Variants in IL1RL2 observed in about 807,000 individuals in gnomAD.
IL1RL2 encodes the protein interleukin 1 receptor like 2.
A neutral mutation model predicts 66.8 loss-of-function variants in IL1RL2; 68 were observed. The ratio of observed to expected loss-of-function variants is 1.02; its 90% CI spans 0.84 to 1.25. The LOEUF (loss-of-function observed/expected upper bound fraction) is 1.25. IL1RL2 is among the 50% of genes most tolerant of loss of function. The pLI is 0.00. For synonymous variants in IL1RL2, 305 were observed against 264.6 expected, an observed-to-expected ratio of 1.15 and a Z score of -1.48; for missense variants, 729 against 709.3, an observed-to-expected ratio of 1.03 and a Z score of -0.32.
At chr2:102,195,943 A>G (rs1687747554) in intron 4 of IL1RL2, among the ~76,000 whole-genome samples, 1 of 151,832 alleles carries the variant, frequency 6.6e-6, no homozygotes. Context: ...CAAACTACTG[A>G]CCTCAGATGA....
chr2:102,205,000 TA>T (rs1361666765), intron 5 of IL1RL2, among the ~76,000 whole-genome samples: 1 of 152,092 alleles, frequency 6.6e-6, no homozygotes, highest in African/African-American at 2.4e-5. Flanking sequence ...TCTTGCTTTT[TA>T]TTTTTTTGTG....
At position 102,220,033 on chromosome 2, in the gene IL1RL2, G is replaced by A. The variant is rs762643149; in HGVS notation, c.991+16G>A. On this transcript the variant is annotated intron_variant, in intron 8 of 11. Coordinates refer to ENST00000264257, the MANE Select transcript of IL1RL2 (RefSeq NM_003854.4). ...CAGCTCCCAGGTAATACTCCAGTGG[G>A]TTACACACTGTTCAGAGTGTTCAAA... is the stretch of plus-strand genomic sequence containing the variant. 1.9e-6 allele frequency: 3 copies of A among 1,601,778 alleles called. No homozygotes were observed. The highest frequency in any genetic ancestry group is 2.6e-6 in the Non-Finnish European group (3 of 1,170,342).
At chr2:102,218,150 T>C (rs1055908343) in intron 6 of IL1RL2, among the ~76,000 whole-genome samples, 6 of 152,152 alleles carry the variant, frequency 3.9e-5, no homozygotes, top group African/African-American at 1.4e-4. Context: ...ACAGAAGACA[T>C]TGCTTCTGGG....
At chr2:102,214,978 G>C (rs1477785458) in intron 6 of IL1RL2, among the ~76,000 whole-genome samples, 15 of 145,394 alleles carry the variant, frequency 1.0e-4, no homozygotes. Context: ...TGGCAGCATA[G>C]AGAGGGGAGG....
chr2:102,202,665 G>A (rs1196963961), intron 5 of IL1RL2, among the ~76,000 whole-genome samples: 1 of 152,058 alleles, frequency 6.6e-6, no homozygotes, highest in Non-Finnish European at 1.5e-5. Context: ...GGGATTACTT[G>A]TAAAATATCT....
chr2:102,228,657 A>G (rs1690848999), intron 9 of IL1RL2, among the ~76,000 whole-genome samples: 1 of 145,798 alleles, frequency 6.9e-6, no homozygotes, highest in South Asian at 2.1e-4. Flanking sequence ...TAAAACGAAG[A>G]CAAGCCAAAC....
rs2302620 is a variant in IL1RL2, at chr2:102,226,007, T to C, written c.1101T>C (p.Tyr367=). Residue 367 remains tyrosine, a synonymous_variant, in exon 9 of 12, where the codon TAT becomes TAC. Coordinates refer to ENST00000264257, the MANE Select transcript of IL1RL2 (RefSeq NM_003854.4). Reference sequence around the variant, plus strand: ...TTAAGATCGACATTGTTCTTTGGTATCGAAGTGCCTTCCATTCTACAGAGA... The same window carrying C: ...TTAAGATCGACATTGTTCTTTGGTACCGAAGTGCCTTCCATTCTACAGAGA... The part of the protein sequence containing the change: ...NIFKIDIVLW[Y]RSAFHSTETI... 0.13 allele frequency: 212,459 copies of C among 1,603,250 alleles called. 18,163 individuals carry two copies. Among genetic ancestry groups the C allele is most frequent in the Admixed American group, 0.41 (24,149 of 58,594 alleles).
chr2:102,205,625 T>C (rs1397157228), intron 5 of IL1RL2, among the ~76,000 whole-genome samples: 1 of 152,210 alleles, frequency 6.6e-6, no homozygotes, highest in Non-Finnish European at 1.5e-5. Context: ...CCATTGTATG[T>C]TATTTGTTCC....
At chr2:102,204,361 T>C (rs958537585) in intron 5 of IL1RL2, among the ~76,000 whole-genome samples, 3 of 152,110 alleles carry the variant, frequency 2.0e-5, no homozygotes, top group Non-Finnish European at 4.4e-5. Context: ...TCTACAGCCA[T>C]TGGATGAAAC....
In IL1RL2 at chr2:102,226,008, C is replaced by A; in HGVS notation, c.1102C>A (p.Arg368=). The A allele has an allele frequency of 6.2e-7, 1 of 1,603,354 alleles. No homozygotes were observed. The highest frequency in any genetic ancestry group is 1.3e-5 in the African/African-American group (1 of 74,402). ...IFKIDIVLWY[R]SAFHSTETIV... is the part of the protein sequence containing the mutation. ...TAAGATCGACATTGTTCTTTGGTAT[C>A]GAAGTGCCTTCCATTCTACAGAGAC... Residue 368 remains arginine, a synonymous_variant, in exon 9 of 12, where the codon CGA becomes AGA. Transcript: ENST00000264257.
At chr2:102,194,230 A>T (rs1687471205) in intron 4 of IL1RL2, among the ~76,000 whole-genome samples, 1 of 152,188 alleles carries the variant, frequency 6.6e-6, no homozygotes, top group African/African-American at 2.4e-5. Flanking sequence ...ATAAAATCAT[A>T]TGTAGTGTTT....
intron 4 of IL1RL2, among the ~76,000 whole-genome samples, chr2:102,201,071 G>C (rs999075748): frequency 2.6e-5 from 4 of 152,114 alleles, no homozygotes; most frequent in African/African-American, 9.7e-5. Flanking sequence ...TTCCAGTCTT[G>C]GCAGAGGGTC....
At chr2:102,208,214 T>A (rs989603218) in intron 5 of IL1RL2, among the ~76,000 whole-genome samples, 1 of 152,242 alleles carries the variant, frequency 6.6e-6, no homozygotes, top group Non-Finnish European at 1.5e-5. Flanking sequence ...TTTTTGGTTC[T>A]TATGAAGGTG....
At position 102,188,452 on chromosome 2, in the gene IL1RL2, G is replaced by A. The variant is rs1390761062; in HGVS notation, c.58+527G>A. 2.6e-5 allele frequency among the ~76,000 whole-genome samples: 4 copies of A among 151,848 alleles called. No individual in the cohort carries two copies. In the East Asian group the frequency reaches 7.8e-4, roughly 30 times the overall value. On this transcript the variant is annotated intron_variant, in intron 2 of 11. Transcript: ENST00000264257. ...ACATTAAAAAAATTAGCCGGGCGCG[G>A]TGGCGGGCGCCTGTAGTCCCAGCTA...
At chr2:102,193,239 C>T (rs1408454951) in intron 4 of IL1RL2, among the ~76,000 whole-genome samples, 1 of 151,998 alleles carries the variant, frequency 6.6e-6, no homozygotes, top group Non-Finnish European at 1.5e-5. Context: ...GTCCTTATAC[C>T]TGTATTTTAA....
At chr2:102,231,427 G>C (rs1279755505) in intron 9 of IL1RL2, among the ~76,000 whole-genome samples, 2 of 152,164 alleles carry the variant, frequency 1.3e-5, no homozygotes, top group Non-Finnish European at 2.9e-5. Context: ...GAACCTGTGA[G>C]GTGGAGGTTG....
intron 10 of IL1RL2, among the ~76,000 whole-genome samples, chr2:102,234,463 G>C (rs545986097): frequency 2.0e-5 from 3 of 152,174 alleles, no homozygotes; most frequent in Admixed American, 6.5e-5. Context: ...CCCAAAACTT[G>C]AATTAATCCA....
intron 9 of IL1RL2, among the ~76,000 whole-genome samples, chr2:102,231,230 T>C (rs948989866): frequency 2.0e-5 from 3 of 152,204 alleles, no homozygotes; most frequent in Non-Finnish European, 4.4e-5. Context: ...CCTGCAAGAC[T>C]GTTTACCATC....
intron 8 of IL1RL2, among the ~76,000 whole-genome samples, chr2:102,220,554 G>A (rs182742869): frequency 4.9e-4 from 74 of 152,312 alleles, no homozygotes; most frequent in African/African-American, 1.6e-3. Context: ...AGTGGAGGGT[G>A]AAGCCAGAAT....
Sources: allele counts gnomAD v4.1 joint callset (sites outside exome capture counted in the v4.1 genomes callset), GRCh38; gene constraint gnomAD v4.1.1; transcripts MANE v1.5; gene names NCBI Gene and HGNC (gene_info 2026-07-23, HGNC 2026-07-21).